ZNF33A: variants seen among roughly 807,000 people sequenced by gnomAD.
ZNF33A encodes the protein brain my041 protein.
ZNF33A carries 9 observed loss-of-function variants against 15.9 expected under a neutral mutation model. That is an observed-to-expected ratio of 0.57 (90% CI 0.34 to 0.99). The LOEUF is 0.99. ZNF33A is among the 50% of genes least tolerant of loss of function. The probability of loss-of-function intolerance (pLI) is 0.02; values close to 1 mark genes in which losing one functional copy is unlikely to be tolerated. For synonymous variants in ZNF33A, 294 were observed against 324.2 expected (o/e 0.91, Z 1.00); for missense variants, 843 against 941.6 (o/e 0.90, Z 1.37).
Position 38,010,791 on chromosome 10 carries a change from C to A in ZNF33A, c.-45+8C>A. The A allele has an allele frequency of 3.8e-6, 6 of 1,598,402 alleles. No individual in the cohort carries two copies. Among genetic ancestry groups the A allele is most frequent in the Non-Finnish European group, 5.1e-6 (6 of 1,179,792 alleles). On this transcript the variant is annotated splice_region_variant and intron_variant, in intron 1 of 4. Transcript: ENST00000432900. ...ACCCGACGAGGGAGTGGGGTAAGCCCCAGTGGGTTGGGCAGGGAGAGAGAG... is the reference window on the plus strand; with the variant it reads ...ACCCGACGAGGGAGTGGGGTAAGCCACAGTGGGTTGGGCAGGGAGAGAGAG...
intron 4 of ZNF33A, among the ~76,000 whole-genome samples, chr10:38,026,020 GACA>G (rs1564842965): frequency 6.6e-6 from 1 of 152,114 alleles, no homozygotes; most frequent in Non-Finnish European, 1.5e-5. Flanking sequence ...TCAGTAGTGT[GACA>G]ACATTTGGCC....
intron 4 of ZNF33A, among the ~76,000 whole-genome samples, 197 bp from the exon 5 acceptor site, chr10:38,054,177 CT>C (rs1447400893): frequency 6.6e-6 from 1 of 152,026 alleles, no homozygotes; most frequent in East Asian, 1.9e-4. Context: ...TAGCCTAGGA[CT>C]TTTGTTTCTG....
intron 4 of ZNF33A, among the ~76,000 whole-genome samples, chr10:38,024,841 C>G (rs1010486450): frequency 9.2e-5 from 14 of 152,214 alleles, no homozygotes; most frequent in African/African-American, 3.1e-4. Context: ...CTGTCCTGTC[C>G]CAGGACATGA....
At chr10:38,010,663 G>C, upstream of ZNF33A, 1 of 1,572,572 alleles carries the variant, frequency 6.4e-7, no homozygotes, top group African/African-American at 1.3e-5. Context: ...CTCGTCCGCC[G>C]GCTACGTCTG....
chr10:38,015,804 T>TA (rs2135543240), intron 2 of ZNF33A, among the ~76,000 whole-genome samples: 1 of 152,352 alleles, frequency 6.6e-6, no homozygotes, highest in African/African-American at 2.4e-5. Flanking sequence ...TCTTGCCTCC[T>TA]ATTATCCGTG....
chr10:38,054,502 T>G lies in ZNF33A; in HGVS notation c.378T>G (p.Phe126Leu), dbSNP rs2066358189. The G allele has an allele frequency of 6.2e-7, 1 of 1,613,294 alleles. No homozygotes were observed. Among genetic ancestry groups the G allele is most frequent in the Non-Finnish European group, 8.5e-7 (1 of 1,179,748 alleles). Residue 126 changes from phenylalanine to leucine, a missense_variant, in exon 5 of 5, where the codon TTT becomes TTG. By Grantham distance (22) the Phe-to-Leu change is conservative. Coordinates refer to ENST00000432900, the MANE Select transcript of ZNF33A (RefSeq NM_006954.2). ...AAGGTGATGTAATAGGAATACCATT[T>G]AATGTGGATGTAAGTTCTTTTCCTT... ...KEQGDVIGIP[F>L]NVDVSSFPSR...
intron 4 of ZNF33A, among the ~76,000 whole-genome samples, chr10:38,047,256 C>T (rs2065987928): frequency 7.0e-6 from 1 of 142,992 alleles, no homozygotes; most frequent in Non-Finnish European, 1.5e-5. Flanking sequence ...TTAAACATTG[C>T]AGAAGAAAAA....
intron 1 of ZNF33A, 44 bp downstream of exon 1, chr10:38,010,827 G>C (rs575198591): frequency 1.5e-4 from 236 of 1,595,354 alleles, no homozygotes; most frequent in Non-Finnish European, 1.9e-4. Flanking sequence ...GGAGCCCCGC[G>C]CGACTCCTGG....
chr10:38,049,141 C>G (rs1290004038), intron 4 of ZNF33A, among the ~76,000 whole-genome samples: 2 of 151,950 alleles, frequency 1.3e-5, no homozygotes, highest in Non-Finnish European at 2.9e-5. Flanking sequence ...TATAAAATCC[C>G]TAATAGTTGG....
intron 4 of ZNF33A, among the ~76,000 whole-genome samples, chr10:38,049,956 A>C (rs1291643284): frequency 1.3e-5 from 2 of 152,216 alleles, no homozygotes; most frequent in Admixed American, 6.5e-5. Context: ...CAATTTGACG[A>C]TTTTGATGAA....
chr10:38,049,184 C>G (rs2066086531), intron 4 of ZNF33A, among the ~76,000 whole-genome samples: 1 of 151,908 alleles, frequency 6.6e-6, no homozygotes, highest in Non-Finnish European at 1.5e-5. Flanking sequence ...ATGGATTCTT[C>G]AAAGAAGAGT....
intron 4 of ZNF33A, among the ~76,000 whole-genome samples, chr10:38,048,714 C>G (rs1208076449): frequency 2.0e-5 from 3 of 151,946 alleles, no homozygotes; most frequent in Non-Finnish European, 4.4e-5. Context: ...ATCCATTCAT[C>G]GAGAGGATTT....
In ZNF33A at chr10:38,057,869, T is replaced by A; in HGVS notation, c.*1309T>A. 1 of 985,438 alleles carries A rather than the reference T, an allele frequency of 1.0e-6. No homozygotes were observed. Among genetic ancestry groups the A allele is most frequent in the Non-Finnish European group, 1.2e-6 (1 of 829,940 alleles). The allele number at this position is 985,438 out of a possible 1,614,324, so 61.0% of individuals were successfully genotyped here. The stretch of plus-strand genomic sequence containing the variant: ...AGGGCTGCCCAGGGCTGTTGGACTG[T>A]CATTTCAAGGCTCATTGTCCCCAGA... On this transcript the variant is annotated 3_prime_UTR_variant, in exon 5 of 5. Transcript: ENST00000432900.
intron 4 of ZNF33A, among the ~76,000 whole-genome samples, chr10:38,040,737 G>A (rs2135691008): frequency 6.6e-6 from 1 of 152,266 alleles, no homozygotes; most frequent in African/African-American, 2.4e-5. Context: ...TTGACAACCT[G>A]AGAATTGTTG....
intron 1 of ZNF33A, among the ~76,000 whole-genome samples, chr10:38,011,173 A>G (rs578183596): frequency 3.9e-5 from 6 of 152,328 alleles, no homozygotes; most frequent in African/African-American, 1.2e-4. Flanking sequence ...GGTTGCACGT[A>G]TTGCATTCAT....
intron 4 of ZNF33A, among the ~76,000 whole-genome samples, chr10:38,045,048 C>T (rs1473810000): frequency 2.0e-5 from 3 of 152,132 alleles, no homozygotes; most frequent in Non-Finnish European, 4.4e-5. Flanking sequence ...TGTTGCCTGT[C>T]GTTTTTCCTG....
chr10:38,017,784 G>A (rs2064532413), intron 4 of ZNF33A: 1 of 175,650 alleles, frequency 5.7e-6, no homozygotes, highest in Non-Finnish European at 1.2e-5. Context: ...TTGCATACTT[G>A]CTGTGTGCTG....
At chr10:38,063,002 CAAAAAAA>C (rs373779802), downstream of ZNF33A, among the ~76,000 whole-genome samples, 10 of 44,186 alleles carry the variant, frequency 2.3e-4, no homozygotes, top group African/African-American at 4.1e-4. Context: ...GACTCCATCT[CAAAAAAA>C]AAAAAAAAAA....
downstream of ZNF33A, among the ~76,000 whole-genome samples, chr10:38,063,810 T>C (rs1250175157): frequency 2.0e-5 from 3 of 152,192 alleles, no homozygotes; most frequent in African/African-American, 7.2e-5. Flanking sequence ...TGTGGATGTG[T>C]CTCTTTTACC....
Sources: allele counts gnomAD v4.1 joint callset (sites outside exome capture counted in the v4.1 genomes callset), GRCh38; gene constraint gnomAD v4.1.1; transcripts MANE v1.5; gene names NCBI Gene and HGNC (gene_info 2026-07-23, HGNC 2026-07-21).